CHD9NB: variants seen among roughly 807,000 people sequenced by gnomAD.
The protein encoded by CHD9NB is CHD9 neighbor, also known as CHD9 neighbor protein.
the CHD9NB span, among the ~76,000 whole-genome samples, chr16:53,037,844 G>A: frequency 1.3e-5 from 2 of 152,154 alleles, no homozygotes; most frequent in Non-Finnish European, 2.9e-5. Context: ...CTTGAGAGCT[G>A]GAAGAACTAG....
the CHD9NB span, among the ~76,000 whole-genome samples, chr16:53,038,540 G>C: frequency 1.3e-5 from 2 of 152,116 alleles, no homozygotes; most frequent in African/African-American, 4.8e-5. Flanking sequence ...TAGTAGAGAC[G>C]AGGTTTTGCC....
the CHD9NB span, chr16:53,042,621 AG>A: frequency 6.6e-6 from 1 of 151,812 alleles, no homozygotes; most frequent in East Asian, 1.9e-4. Flanking sequence ...AAAAATAAAA[AG>A]TCCCTCAATG....
chr16:53,045,471 C>T, the CHD9NB span, among the ~76,000 whole-genome samples: 3 of 152,186 alleles, frequency 2.0e-5, no homozygotes, highest in South Asian at 6.2e-4. Context: ...CTCTTGTGCT[C>T]TATAGTTGAC....
At chr16:53,045,701 C>CGG in the CHD9NB span, among the ~76,000 whole-genome samples, 1 of 152,224 alleles carries the variant, frequency 6.6e-6, no homozygotes, top group Non-Finnish European at 1.5e-5. Flanking sequence ...ATACCGGCCT[C>CGG]GGGCACTTTA....
At chr16:53,042,641 A>C in the CHD9NB span, 1 of 149,098 alleles carries the variant, frequency 6.7e-6, no homozygotes, top group African/African-American at 2.5e-5. Context: ...TGCATCACCC[A>C]ACCTGCAGTG....
chr16:53,041,953 C>T, the CHD9NB span, among the ~76,000 whole-genome samples: 1 of 152,176 alleles, frequency 6.6e-6, no homozygotes, highest in African/African-American at 2.4e-5. Context: ...TGACAGGGCC[C>T]CCATCCCTCC....
the CHD9NB span, among the ~76,000 whole-genome samples, chr16:53,040,617 A>G: frequency 6.6e-6 from 1 of 152,222 alleles, no homozygotes; most frequent in Non-Finnish European, 1.5e-5. Flanking sequence ...ACTCCCACAA[A>G]GATGGCACTT....
chr16:53,043,633 G>A, the CHD9NB span: 1 of 167,680 alleles, frequency 6.0e-6, no homozygotes, highest in Non-Finnish European at 1.3e-5. Context: ...TCTGACTTCA[G>A]GAAAGCCAGG....
the CHD9NB span, among the ~76,000 whole-genome samples, chr16:53,047,819 G>T: frequency 3.3e-5 from 5 of 152,064 alleles, 1 homozygote; most frequent in Non-Finnish European, 7.4e-5. Flanking sequence ...TCAACAGGGT[G>T]AAACCCCATC....
chr16:53,050,830 G>A, the CHD9NB span, among the ~76,000 whole-genome samples: 1 of 151,656 alleles, frequency 6.6e-6, no homozygotes, highest in South Asian at 2.1e-4. Context: ...ACACCATCTT[G>A]CCCATGACTC....
the CHD9NB span, among the ~76,000 whole-genome samples, chr16:53,052,168 T>C: frequency 1.3e-5 from 2 of 148,936 alleles, no homozygotes; most frequent in Non-Finnish European, 3.0e-5. Context: ...TGCTTGATGC[T>C]AGGAGTTCTA....
At chr16:53,048,549 T>G in the CHD9NB span, among the ~76,000 whole-genome samples, 2 of 151,866 alleles carry the variant, frequency 1.3e-5, no homozygotes, top group Non-Finnish European at 3.0e-5. Flanking sequence ...TTTAAAATTC[T>G]CTCTCTCCTG....
the CHD9NB span, among the ~76,000 whole-genome samples, chr16:53,039,679 G>A: frequency 6.6e-6 from 1 of 151,894 alleles, no homozygotes; most frequent in Admixed American, 6.6e-5. Context: ...TGGGAGGCAG[G>A]GGTTGCAGTG....
chr16:53,044,832 G>A, the CHD9NB span, among the ~76,000 whole-genome samples: 1 of 152,238 alleles, frequency 6.6e-6, no homozygotes, highest in Non-Finnish European at 1.5e-5. Flanking sequence ...GCACAGGGAG[G>A]TTGAGTAATT....
At chr16:53,040,633 A>G in the CHD9NB span, among the ~76,000 whole-genome samples, 2 of 152,220 alleles carry the variant, frequency 1.3e-5, no homozygotes, top group Non-Finnish European at 2.9e-5. Flanking sequence ...CACTTTATGA[A>G]CATTTTATGA....
At chr16:53,039,595 A>C in the CHD9NB span, among the ~76,000 whole-genome samples, 1 of 152,074 alleles carries the variant, frequency 6.6e-6, no homozygotes, top group Non-Finnish European at 1.5e-5. Context: ...AAATACAAAA[A>C]TTAGCTGGGC....
At chr16:53,044,163 G>A in the CHD9NB span, 2 of 398,712 alleles carry the variant, frequency 5.0e-6, no homozygotes, top group Non-Finnish European at 8.8e-6. Context: ...CCCCATCTCA[G>A]AGGGACACAG....
chr16:53,036,124 G>A, the CHD9NB span, among the ~76,000 whole-genome samples: 40,349 of 152,074 alleles, frequency 0.27, 5,510 homozygotes, highest in Middle Eastern at 0.37. Flanking sequence ...TATTCAATGC[G>A]CTGCTGTGGT....
chr16:53,041,276 C>T, the CHD9NB span, among the ~76,000 whole-genome samples: 1 of 152,226 alleles, frequency 6.6e-6, no homozygotes, highest in Non-Finnish European at 1.5e-5. Context: ...TAATCCTAAC[C>T]ACTTTTACCA....
Sources: gnomAD v4.1 joint callset for allele counts (sites outside exome capture counted in the v4.1 genomes callset) on GRCh38, gnomAD v4.1.1 for gene constraint, MANE v1.5 for transcripts, NCBI Gene and HGNC (gene_info 2026-07-23, HGNC 2026-07-21) for gene names.